The following XKR4 variants were observed in gnomAD, a reference collection of about 807,000 sequenced individuals.
XKR4 encodes the protein XK-related protein 4.
In XKR4, 12 loss-of-function variants were observed where a neutral mutation model predicts 53.9. The ratio of observed to expected loss-of-function variants is 0.22; its 90% CI spans 0.14 to 0.36. The LOEUF is 0.36. Ranked by LOEUF, XKR4 falls within the 10% of genes least tolerant of loss-of-function variation. The probability of loss-of-function intolerance (pLI) is 1.00; values close to 1 mark genes in which losing one functional copy is unlikely to be tolerated. For missense variants in XKR4, 799 were observed against 859.5 expected (o/e 0.93, Z 0.88); for synonymous variants, 354 against 362.4 (o/e 0.98, Z 0.26).
chr8:55,175,454 A>T (rs1422341204), intron 1 of XKR4, among the ~76,000 whole-genome samples: 1 of 152,212 alleles, frequency 6.6e-6, no homozygotes, highest in Non-Finnish European at 1.5e-5. Flanking sequence ...GTGAATGTTG[A>T]CTAAATTTTT....
At chr8:55,522,837 C>T (rs1454840295) in intron 2 of XKR4, among the ~76,000 whole-genome samples, 3 of 152,196 alleles carry the variant, frequency 2.0e-5, no homozygotes, top group Admixed American at 6.5e-5. Context: ...GTCTCACACC[C>T]ATGCTGGGTT....
intron 1 of XKR4, among the ~76,000 whole-genome samples, chr8:55,221,127 G>C (rs1174534341): frequency 6.6e-6 from 1 of 152,216 alleles, no homozygotes; most frequent in African/African-American, 2.4e-5. Context: ...AGGCTGGCCG[G>C]CCAATGTGGA....
chr8:55,488,280 C>T (rs62518805), intron 2 of XKR4, among the ~76,000 whole-genome samples: 10,679 of 152,212 alleles, frequency 0.07, 513 homozygotes, highest in Non-Finnish European at 0.11. Context: ...ATGATGCAGC[C>T]ACTTTGGAAA....
intron 2 of XKR4, among the ~76,000 whole-genome samples, chr8:55,443,853 AAGAAAG>A (rs1805307705): frequency 7.4e-6 from 1 of 135,258 alleles, no homozygotes; most frequent in Non-Finnish European, 1.6e-5. Flanking sequence ...AAAAAAAAAA[AAGAAAG>A]AAAAGAAAAA....
chr8:55,518,944 A>C (rs1806756310), intron 2 of XKR4, among the ~76,000 whole-genome samples: 1 of 152,202 alleles, frequency 6.6e-6, no homozygotes, highest in Non-Finnish European at 1.5e-5. Context: ...GGGTTAAAGG[A>C]GGCTTGTTAC....
chr8:55,384,065 C>A (rs1804273283), intron 2 of XKR4, among the ~76,000 whole-genome samples: 1 of 152,212 alleles, frequency 6.6e-6, no homozygotes, highest in African/African-American at 2.4e-5. Flanking sequence ...TTTTTGGACA[C>A]ACAGAATGTG....
intron 1 of XKR4, among the ~76,000 whole-genome samples, chr8:55,315,323 A>G (rs1001547738): frequency 6.6e-6 from 1 of 152,194 alleles, no homozygotes; most frequent in Admixed American, 6.5e-5. Context: ...TTGTAAATGC[A>G]ATAAGTGGTT....
At chr8:55,510,622 C>T (rs373946450) in intron 2 of XKR4, among the ~76,000 whole-genome samples, 2 of 152,128 alleles carry the variant, frequency 1.3e-5, no homozygotes, top group Admixed American at 6.5e-5. Context: ...TCCCACCCCA[C>T]ATCTGATCCT....
intron 1 of XKR4, among the ~76,000 whole-genome samples, chr8:55,153,718 C>A (rs1816869005): frequency 6.6e-6 from 1 of 152,166 alleles, no homozygotes; most frequent in African/African-American, 2.4e-5. Context: ...TGTTAAGTGC[C>A]CAGTGCTGAT....
rs958162626 is a variant in XKR4, at chr8:55,368,530, C to T, written c.1006+10653C>T. The stretch of plus-strand genomic sequence containing the variant: ...TCTCCCAGGTCTTCACATAGCTCAT[C>T]CCTTTCCAATCAGGATGGGGCTCCA... On this transcript the variant is annotated intron_variant, in intron 2 of 2. Transcript: ENST00000327381. Among the ~76,000 whole-genome samples, 3 of 152,308 alleles carry T rather than the reference C, an allele frequency of 2.0e-5. No homozygotes were observed. In the East Asian group the frequency reaches 5.8e-4, roughly 29 times the overall value.
rs150022959 is a variant in XKR4, at chr8:55,516,248, G to T, written c.1007-7033G>T. On this transcript the variant is annotated intron_variant, in intron 2 of 2. Transcript: ENST00000327381. ...AAACTATAAAATTTCTTGACTGCAA[G>T]AAATCAATATTATACTGCCATCTAA... 4.8e-3 allele frequency among the ~76,000 whole-genome samples: 727 copies of T among 152,262 alleles called. 7 individuals carry two copies. Among genetic ancestry groups the T allele is most frequent in the African/African-American group, 0.016 (671 of 41,534 alleles).
intron 1 of XKR4, among the ~76,000 whole-genome samples, chr8:55,151,652 G>T (rs1816841680): frequency 1.3e-5 from 2 of 151,914 alleles, no homozygotes; most frequent in African/African-American, 2.4e-5. Context: ...ATCTAGAAAG[G>T]CATGAAAAAA....
At chr8:55,250,236 A>G (rs1445841090) in intron 1 of XKR4, among the ~76,000 whole-genome samples, 8 of 152,154 alleles carry the variant, frequency 5.3e-5, no homozygotes, top group Non-Finnish European at 4.4e-5. Flanking sequence ...CTAAGAACAC[A>G]TTTTCTTTTC....
intron 1 of XKR4, among the ~76,000 whole-genome samples, chr8:55,159,410 TAC>T (rs1245834727): frequency 6.6e-6 from 1 of 152,146 alleles, no homozygotes; most frequent in East Asian, 1.9e-4. Flanking sequence ...GAGTCAAGTA[TAC>T]ACACACACAT....
At chr8:55,203,745 T>C (rs1480588537) in intron 1 of XKR4, among the ~76,000 whole-genome samples, 2 of 152,124 alleles carry the variant, frequency 1.3e-5, no homozygotes, top group Non-Finnish European at 2.9e-5. Context: ...CCCAGGTCAC[T>C]GGAGGAATGT....
At chr8:55,438,530 C>T (rs900345888) in intron 2 of XKR4, among the ~76,000 whole-genome samples, 11 of 139,834 alleles carry the variant, frequency 7.9e-5, no homozygotes, top group African/African-American at 2.7e-4. Context: ...GTGGAGGTAG[C>T]AGTGAGCCGA....
chr8:55,432,430 G>GC (rs927536723), intron 2 of XKR4, among the ~76,000 whole-genome samples: 1 of 152,182 alleles, frequency 6.6e-6, no homozygotes, highest in Non-Finnish European at 1.5e-5. Flanking sequence ...GGCCTTTAGT[G>GC]CCCCTGTGCT....
At chr8:55,447,847 T>C (rs1004526764) in intron 2 of XKR4, among the ~76,000 whole-genome samples, 2 of 152,234 alleles carry the variant, frequency 1.3e-5, no homozygotes, top group Non-Finnish European at 2.9e-5. Flanking sequence ...ACTGGGGAAT[T>C]TGAGACTTCT....
chr8:55,455,095 C>A, intron 2 of XKR4: 1 of 667,278 alleles, frequency 1.5e-6, no homozygotes, highest in Non-Finnish European at 2.8e-6. Flanking sequence ...CGCGCGGGTG[C>A]GGCCTGAATG....
Sources: gnomAD v4.1 joint callset for allele counts (sites outside exome capture counted in the v4.1 genomes callset) on GRCh38, gnomAD v4.1.1 for gene constraint, MANE v1.5 for transcripts, NCBI Gene and HGNC (gene_info 2026-07-23, HGNC 2026-07-21) for gene names.